Variants in NWD2 observed in about 807,000 individuals in gnomAD.
The protein encoded by NWD2 is NACHT and WD repeat domain-containing protein 2.
In NWD2, 37 loss-of-function variants were observed where a neutral mutation model predicts 132.7. The observed-to-expected ratio is 0.28, with a 90% CI of 0.21 to 0.37. The LOEUF (loss-of-function observed/expected upper bound fraction) is 0.37, where lower values mean the gene tolerates loss of function less well. Ranked by LOEUF, NWD2 falls within the 10% of genes least tolerant of loss-of-function variation. The probability of loss-of-function intolerance (pLI) is 1.00; values close to 1 mark genes in which losing one functional copy is unlikely to be tolerated. For missense variants in NWD2, 1,592 were observed against 2,122.4 expected (o/e 0.75, Z 4.91); for synonymous variants, 705 against 803.0 (o/e 0.88, Z 2.06).
At chr4:37,261,628 A>G (rs1481947317) in intron 1 of NWD2, among the ~76,000 whole-genome samples, 1 of 152,230 alleles carries the variant, frequency 6.6e-6, no homozygotes, top group Non-Finnish European at 1.5e-5. Context: ...CTATGTTTAC[A>G]TAATTACATT....
At position 37,445,880 on chromosome 4, in the gene NWD2, C is replaced by G. The variant is rs769411007; in HGVS notation, c.3892C>G (p.Leu1298Val). ...ACTGTCTTTATCAACCAGTGGTGTT[C>G]TTTCCATTTGGGACATAGATATAAT... ...MLLSLSTSGV[L>V]SIWDIDIITA... The change falls in exon 7 of 7, where the codon CTT becomes GTT. Residue 1298 changes from leucine (L) to valine (V), a missense_variant. Leu to Val is a conservative substitution (Grantham distance 32). Coordinates refer to ENST00000309447, the MANE Select transcript of NWD2 (RefSeq NM_001144990.2). This position sits in a 1 kb window ranked among gnomAD's most constrained non-coding sequence, Gnocchi z 4.7. 2.3e-5 allele frequency: 35 copies of G among 1,551,802 alleles called. 2 individuals are homozygous for G. In the South Asian group the frequency reaches 3.9e-4, roughly 17 times the overall value.
chr4:37,345,382 G>A lies in NWD2; in HGVS notation c.241-10984G>A, dbSNP rs146347705. Among the ~76,000 whole-genome samples the A allele has an allele frequency of 3.9e-3, 593 of 152,192 alleles. 1 individual carries two copies. Among genetic ancestry groups the A allele is most frequent in the Middle Eastern group, 0.024 (7 of 294 alleles). On this transcript the variant is annotated intron_variant, in intron 2 of 6. Coordinates refer to ENST00000309447, the MANE Select transcript of NWD2 (RefSeq NM_001144990.2). ...TGTCTCCACATTCTTGCCAACACTT[G>A]TAATTATCAGTCTTTTTTTATTATA...
chr4:37,396,830 C>T (rs983355721), intron 3 of NWD2, among the ~76,000 whole-genome samples: 2 of 152,068 alleles, frequency 1.3e-5, no homozygotes, highest in East Asian at 1.9e-4. Flanking sequence ...GTCAGGAGTT[C>T]GAGACCAGCC....
chr4:37,394,811 T>TG (rs1553897375), intron 3 of NWD2, among the ~76,000 whole-genome samples: 3 of 120,818 alleles, frequency 2.5e-5, no homozygotes, highest in Admixed American at 1.7e-4. Context: ...TTTTTTTTTT[T>TG]TTTTTTTTTT....
intron 3 of NWD2, among the ~76,000 whole-genome samples, chr4:37,378,788 A>G (rs1018251355): frequency 2.6e-5 from 4 of 151,774 alleles, no homozygotes; most frequent in African/African-American, 9.7e-5. Context: ...GCTGGGCTCA[A>G]CAACAGATTT....
At chr4:37,360,358 T>C (rs1577679141) in intron 3 of NWD2, among the ~76,000 whole-genome samples, 2 of 152,314 alleles carry the variant, frequency 1.3e-5, no homozygotes, top group East Asian at 3.9e-4. Context: ...AAAATGCTGA[T>C]AATCTAAATG....
chr4:37,387,672 T>G (rs953589553), intron 3 of NWD2, among the ~76,000 whole-genome samples: 1 of 17,430 alleles, frequency 5.7e-5, no homozygotes, highest in South Asian at 1.6e-3. Flanking sequence ...GAAATATTCT[T>G]TTTTTTTTTT....
rs181531371 is a variant in NWD2 at position 37,283,196 on chromosome 4, T to G, written c.151+37978T>G. On this transcript the variant is annotated intron_variant, in intron 1 of 6. Coordinates refer to ENST00000309447, the MANE Select transcript of NWD2 (RefSeq NM_001144990.2). ...CTTCTCCCAGTAAAAATGTGTAAAT[T>G]ATCAGAATTCATATTGGTAATATTT... Among the ~76,000 whole-genome samples, 23 of 152,332 alleles carry G rather than the reference T, an allele frequency of 1.5e-4. No individual in the cohort carries two copies. The East Asian group carries it at 4.2e-3, about 28-fold the overall frequency.
chr4:37,394,799 G>GTTTTTTTGTTTTT (rs1720747182), intron 3 of NWD2, among the ~76,000 whole-genome samples: 1 of 52,592 alleles, frequency 1.9e-5, no homozygotes, highest in African/African-American at 7.7e-5. Flanking sequence ...AACCTTTATG[G>GTTTTTTTGTTTTT]TTTTTTTTTT....
intron 3 of NWD2, among the ~76,000 whole-genome samples, chr4:37,362,701 T>A (rs926010447): frequency 1.3e-5 from 2 of 152,214 alleles, no homozygotes; most frequent in Non-Finnish European, 2.9e-5. Flanking sequence ...GACCTCAAAC[T>A]GTAGTAATCC....
intron 3 of NWD2, among the ~76,000 whole-genome samples, chr4:37,408,736 G>A (rs1358187104): frequency 6.6e-6 from 1 of 152,180 alleles, no homozygotes; most frequent in Non-Finnish European, 1.5e-5. Flanking sequence ...CTGACTGGGA[G>A]ACATCTCCCA....
intron 3 of NWD2, among the ~76,000 whole-genome samples, chr4:37,415,650 G>A (rs1394808985): frequency 6.7e-6 from 1 of 148,438 alleles, no homozygotes; most frequent in East Asian, 2.0e-4. Flanking sequence ...CTTGCAGTGA[G>A]CCGAGATCGC....
intron 1 of NWD2, among the ~76,000 whole-genome samples, chr4:37,268,925 G>A (rs568144239): frequency 6.6e-6 from 1 of 151,930 alleles, no homozygotes; most frequent in Admixed American, 6.6e-5. Flanking sequence ...ATTGCCAAAG[G>A]TTATTTGACA....
rs1402180181 is a variant in NWD2 at position 37,428,296 on chromosome 4, T to C, written c.358-2276T>C. On this transcript the variant is annotated intron_variant, in intron 3 of 6. Transcript: ENST00000309447. Reference sequence around the variant, plus strand: ...CTTCCAGTGGATAAACACAGCTTGATGTTTATGCTAAAATGCTAATCAACA... The same window carrying C: ...CTTCCAGTGGATAAACACAGCTTGACGTTTATGCTAAAATGCTAATCAACA... Among the ~76,000 whole-genome samples the C allele has an allele frequency of 2.0e-5, 3 of 152,240 alleles. No homozygotes were observed. In the East Asian group the frequency reaches 5.8e-4, roughly 29 times the overall value.
chr4:37,364,544 C>T lies in NWD2; in HGVS notation c.357+8062C>T, dbSNP rs116027987. ...AGTGAACCAACACCCATGTAGCATC[C>T]TCATCGGGGCTGTGAGATTACACAC... is the stretch of plus-strand genomic sequence containing the variant. On this transcript the variant is annotated intron_variant, in intron 3 of 6. Coordinates refer to ENST00000309447, the MANE Select transcript of NWD2 (RefSeq NM_001144990.2). Among the ~76,000 whole-genome samples, 308 of 152,294 alleles carry T rather than the reference C, an allele frequency of 2.0e-3. 1 individual carries two copies. The highest frequency in any genetic ancestry group is 7.1e-3 in the African/African-American group (294 of 41,566).
chr4:37,347,698 G>A (rs1192795056), intron 2 of NWD2, among the ~76,000 whole-genome samples: 1 of 152,086 alleles, frequency 6.6e-6, no homozygotes, highest in Admixed American at 6.5e-5. Context: ...ATGGCATACT[G>A]TTATAATTAT....
chr4:37,292,848 G>GA (rs1718392789), intron 1 of NWD2, among the ~76,000 whole-genome samples: 1 of 152,058 alleles, frequency 6.6e-6, no homozygotes, highest in Non-Finnish European at 1.5e-5. Flanking sequence ...ACTTCTTTGA[G>GA]AATCTAATGC....
chr4:37,362,450 T>G (rs1719999317), intron 3 of NWD2, among the ~76,000 whole-genome samples: 1 of 152,188 alleles, frequency 6.6e-6, no homozygotes, highest in African/African-American at 2.4e-5. Context: ...CCAAACAGCA[T>G]GGTGCTGGTA....
intron 1 of NWD2, among the ~76,000 whole-genome samples, chr4:37,305,686 T>C (rs1438469178): frequency 2.6e-5 from 4 of 152,172 alleles, no homozygotes; most frequent in African/African-American, 9.7e-5. Context: ...TAGTTGACTG[T>C]GGTATAGAAT....
Sources: gnomAD v4.1 joint callset for allele counts (sites outside exome capture counted in the v4.1 genomes callset) on GRCh38, gnomAD v4.1.1 for gene constraint, Gnocchi (gnomAD v3.1) non-coding constraint, MANE v1.5 for transcripts, NCBI Gene and HGNC (gene_info 2026-07-23, HGNC 2026-07-21) for gene names.